The following LCORL variants were observed in gnomAD, a reference collection of about 807,000 sequenced individuals.
LCORL encodes the protein ligand dependent nuclear receptor corepressor like.
In LCORL, 41 loss-of-function variants were observed where a neutral mutation model predicts 141.8. The ratio of observed to expected loss-of-function variants is 0.29; its 90% CI spans 0.23 to 0.38. The LOEUF is 0.38. Among genes scored for constraint, LCORL ranks in the 10% least tolerant of loss-of-function variants. LCORL has a pLI of 1.00. For synonymous variants in LCORL, 618 were observed against 694.1 expected (o/e 0.89, Z 1.72); for missense variants, 1,759 against 2,035.0 (o/e 0.86, Z 2.61).
chr4:17,936,351 T>C (rs1233408633), intron 4 of LCORL, among the ~76,000 whole-genome samples: 2 of 137,942 alleles, frequency 1.4e-5, no homozygotes, highest in Non-Finnish European at 3.1e-5. Flanking sequence ...TCTAATCCAG[T>C]CTCATAATGA....
chr4:18,016,126 T>C (rs771790041), intron 1 of LCORL, among the ~76,000 whole-genome samples: 3 of 152,028 alleles, frequency 2.0e-5, no homozygotes, highest in African/African-American at 4.8e-5. Context: ...AAAGAATCTA[T>C]TGGCAAAAAC....
Position 17,971,256 on chromosome 4 carries a change from T to A in LCORL, c.220+1564A>T, listed in dbSNP as rs574120244. Among the ~76,000 whole-genome samples the A allele has an allele frequency of 1.1e-4, 17 of 152,202 alleles. No homozygotes were observed. The South Asian group carries it at 3.3e-3, about 30-fold the overall frequency. On this transcript the variant is annotated intron_variant, in intron 2 of 7. Transcript: ENST00000635767. ...TGTCTTTTCTTTCTAGTCTAAAATA[T>A]ACACACTTTTCTCGTTTTTGTTTTG... is the stretch of plus-strand genomic sequence containing the variant.
At chr4:17,890,620 G>A (rs923479839) in intron 5 of LCORL, among the ~76,000 whole-genome samples, 5 of 151,866 alleles carry the variant, frequency 3.3e-5, no homozygotes, top group South Asian at 4.1e-4. Flanking sequence ...GGTTGGAGAC[G>A]GGTCATTTAA....
At chr4:17,916,389 C>T (rs1486753944) in intron 4 of LCORL, among the ~76,000 whole-genome samples, 1 of 152,116 alleles carries the variant, frequency 6.6e-6, no homozygotes, top group Non-Finnish European at 1.5e-5. Flanking sequence ...TGGGGCAGAT[C>T]CCTCATGAAT....
intron 5 of LCORL, among the ~76,000 whole-genome samples, chr4:17,898,475 T>G (rs892473869): frequency 4.6e-5 from 7 of 152,190 alleles, no homozygotes; most frequent in Admixed American, 1.3e-4. Context: ...TCCTGTCTCA[T>G]CTGCCTCATT....
chr4:18,008,278 T>A (rs1484750582), intron 1 of LCORL, among the ~76,000 whole-genome samples: 1 of 152,220 alleles, frequency 6.6e-6, no homozygotes, highest in Admixed American at 6.5e-5. Flanking sequence ...TTTCTCTGAT[T>A]AATCCATCAC....
intron 4 of LCORL, among the ~76,000 whole-genome samples, chr4:17,924,954 C>G (rs1201772289): frequency 1.3e-5 from 2 of 152,118 alleles, no homozygotes; most frequent in African/African-American, 4.8e-5. Context: ...ATTCACGGGT[C>G]CAGGAGTCAA....
At chr4:17,852,122 A>T (rs187084762) in intron 7 of LCORL, among the ~76,000 whole-genome samples, 1 of 152,148 alleles carries the variant, frequency 6.6e-6, no homozygotes, top group Non-Finnish European at 1.5e-5. Flanking sequence ...ATGCTATGTC[A>T]TCAGATTTAT....
intron 6 of LCORL, chr4:17,883,455 C>T (rs1432175622): frequency 8.5e-7 from 1 of 1,178,850 alleles, no homozygotes; most frequent in Non-Finnish European, 1.0e-6. Context: ...TCTTTTTCAC[C>T]TATTTATACA....
At chr4:18,011,622 T>C (rs963087971) in intron 1 of LCORL, among the ~76,000 whole-genome samples, 2 of 152,228 alleles carry the variant, frequency 1.3e-5, no homozygotes, top group African/African-American at 4.8e-5. Flanking sequence ...CCCTCCACTC[T>C]ACTTTCCTGC....
intron 1 of LCORL, among the ~76,000 whole-genome samples, chr4:18,016,799 T>C (rs554923190): frequency 2.0e-5 from 3 of 152,262 alleles, no homozygotes; most frequent in Admixed American, 1.3e-4. Flanking sequence ...AACACTGTTA[T>C]GTAGGAAAGA....
At chr4:17,881,476 T>G in intron 6 of LCORL, 14 of 863,768 alleles carry the variant, frequency 1.6e-5, no homozygotes, top group Non-Finnish European at 1.9e-5. Context: ...CAAAAAATAT[T>G]TTAATTTACT....
intron 6 of LCORL, among the ~76,000 whole-genome samples, chr4:17,879,430 T>A (rs1727278288): frequency 6.6e-6 from 1 of 151,098 alleles, no homozygotes. Context: ...AAACTAGTGA[T>A]CTGACATAAA....
intron 7 of LCORL, among the ~76,000 whole-genome samples, chr4:17,855,435 C>G (rs143562691): frequency 6.6e-6 from 1 of 152,064 alleles, no homozygotes; most frequent in Non-Finnish European, 1.5e-5. Context: ...TATAACGTTC[C>G]GAAACCCTGT....
At chr4:17,996,240 T>C (rs895002075) in intron 1 of LCORL, among the ~76,000 whole-genome samples, 21 of 152,082 alleles carry the variant, frequency 1.4e-4, no homozygotes, top group Non-Finnish European at 2.6e-4. Context: ...ACTTATAAAG[T>C]TGTAATACTA....
At chr4:18,001,930 T>C (rs1722036782) in intron 1 of LCORL, among the ~76,000 whole-genome samples, 3 of 152,214 alleles carry the variant, frequency 2.0e-5, no homozygotes, top group Non-Finnish European at 2.9e-5. Flanking sequence ...GACAGTCCTA[T>C]ACACACATCT....
intron 5 of LCORL, among the ~76,000 whole-genome samples, chr4:17,898,761 T>C (rs1730393872): frequency 6.6e-6 from 1 of 151,898 alleles, no homozygotes; most frequent in Non-Finnish European, 1.5e-5. Context: ...TGTCCTGCTA[T>C]TACAATTAAT....
intron 4 of LCORL, among the ~76,000 whole-genome samples, chr4:17,923,831 T>C (rs1734677483): frequency 6.6e-6 from 1 of 152,104 alleles, no homozygotes. Flanking sequence ...TCTTGACCAA[T>C]ACTTTGCAAA....
intron 4 of LCORL, among the ~76,000 whole-genome samples, chr4:17,938,417 CTT>C (rs71651867): frequency 3.6e-4 from 44 of 123,424 alleles, no homozygotes; most frequent in African/African-American, 4.1e-4. Flanking sequence ...CTGTTTCTTT[CTT>C]TTTTTTTTTT....
Sources: gnomAD v4.1 joint callset for allele counts (sites outside exome capture counted in the v4.1 genomes callset) on GRCh38, gnomAD v4.1.1 for gene constraint, MANE v1.5 for transcripts, NCBI Gene and HGNC (gene_info 2026-07-23, HGNC 2026-07-21) for gene names.